The following DNAJC1 variants were observed in gnomAD, a reference collection of about 807,000 sequenced individuals.
The protein encoded by DNAJC1 is DnaJ heat shock protein family (Hsp40) member C1.
A neutral mutation model predicts 76.6 loss-of-function variants in DNAJC1; 58 were observed. The ratio of observed to expected loss-of-function variants is 0.76; its 90% confidence interval spans 0.61 to 0.94. The LOEUF is 0.94. Ranked by LOEUF, DNAJC1 falls within the 40% of genes least tolerant of loss-of-function variation. DNAJC1 has a pLI of 0.00. For synonymous variants in DNAJC1, 258 were observed against 267.9 expected (o/e 0.96, Z 0.36); for missense variants, 689 against 677.3 (o/e 1.02, Z -0.19).
chr10:21,835,702 G>A (rs1311196748), intron 8 of DNAJC1, among the ~76,000 whole-genome samples: 4 of 152,148 alleles, frequency 2.6e-5, no homozygotes, highest in Admixed American at 6.5e-5. Context: ...TAGCCGATGC[G>A]ATCAACTGGA....
intron 8 of DNAJC1, among the ~76,000 whole-genome samples, chr10:21,824,650 C>T (rs1835217980): frequency 6.6e-6 from 1 of 152,198 alleles, no homozygotes; most frequent in Non-Finnish European, 1.5e-5. Flanking sequence ...ACACTGCTCC[C>T]ATCCAGCCCC....
At position 21,759,546 on chromosome 10, in the gene DNAJC1, G is replaced by T. The variant is rs1403643518; in HGVS notation, c.1220C>A (p.Pro407His). The T allele has an allele frequency of 5.6e-6, 9 of 1,614,154 alleles. No individual in the cohort carries two copies. Among genetic ancestry groups the T allele is most frequent in the Non-Finnish European group, 5.9e-6 (7 of 1,180,046 alleles). ...SRPIKTATTL[P>H]DDMITQREDA... ...CTCTCGCTGGGTGATCATGTCATCGGGCAAGGTGGTGGCCGTTTTGATGGG... is the reference window on the plus strand; with the variant it reads ...CTCTCGCTGGGTGATCATGTCATCGTGCAAGGTGGTGGCCGTTTTGATGGG... The change falls in exon 11 of 12, where the codon CCC (proline) becomes CAC (histidine). Residue 407 changes from proline (P) to histidine (H), a missense_variant. By Grantham distance (77) the Pro-to-His change is moderately conservative (BLOSUM62 -2). Coordinates refer to ENST00000376980, the MANE Select transcript of DNAJC1 (RefSeq NM_022365.4).
intron 1 of DNAJC1, among the ~76,000 whole-genome samples, chr10:21,955,600 G>A (rs2666755): frequency 0.99 from 150,810 of 152,216 alleles, 74,761 homozygotes; most frequent in Middle Eastern, 1. Flanking sequence ...TACATTGTAG[G>A]ATGGCTAAAT....
At chr10:21,784,436 C>G (rs1254993687) in intron 9 of DNAJC1, among the ~76,000 whole-genome samples, 1 of 152,170 alleles carries the variant, frequency 6.6e-6, no homozygotes, top group African/African-American at 2.4e-5. Context: ...AATAGGAACA[C>G]TTTTACACTG....
intron 8 of DNAJC1, among the ~76,000 whole-genome samples, chr10:21,847,055 C>G (rs1177780087): frequency 1.3e-5 from 2 of 151,988 alleles, no homozygotes; most frequent in Non-Finnish European, 2.9e-5. Context: ...ACTCCTAGGT[C>G]CCTTCCCCTT....
At chr10:21,784,772 C>T (rs1023568965) in intron 9 of DNAJC1, among the ~76,000 whole-genome samples, 3 of 152,046 alleles carry the variant, frequency 2.0e-5, no homozygotes, top group Non-Finnish European at 4.4e-5. Context: ...AAGCTGGAAA[C>T]CATCATTCCG....
At chr10:21,998,574 C>T (rs1011996416) in intron 1 of DNAJC1, among the ~76,000 whole-genome samples, 3 of 151,986 alleles carry the variant, frequency 2.0e-5, no homozygotes, top group Non-Finnish European at 4.4e-5. Flanking sequence ...ATCTTCCCCC[C>T]ATCTCCTCTG....
rs544496624 is a variant in DNAJC1, at chr10:21,835,674, C to T, written c.979-29575G>A. Among the ~76,000 whole-genome samples the T allele has an allele frequency of 9.2e-5, 14 of 152,182 alleles. No homozygotes were observed. The East Asian group carries it at 1.9e-3, about 21-fold the overall frequency. ...AAACCAACACACGAGAGCTACGTGA[C>T]GAATGCAGAAGCCTCAGTAGCCGAT... On this transcript the variant is annotated intron_variant, in intron 8 of 11. Coordinates refer to ENST00000376980, the MANE Select transcript of DNAJC1 (RefSeq NM_022365.4).
chr10:21,781,606 A>G (rs1305920553), intron 9 of DNAJC1, among the ~76,000 whole-genome samples: 6 of 151,272 alleles, frequency 4.0e-5, no homozygotes, highest in Admixed American at 2.0e-4. Flanking sequence ...CTGTAGTCCC[A>G]GCTACTCAGG....
At chr10:21,845,905 T>G (rs369309953) in intron 8 of DNAJC1, among the ~76,000 whole-genome samples, 1 of 152,174 alleles carries the variant, frequency 6.6e-6, no homozygotes, top group Non-Finnish European at 1.5e-5. Flanking sequence ...AAATTTTACC[T>G]ATTTGAATTA....
chr10:21,790,804 A>G (rs557756447), intron 9 of DNAJC1, among the ~76,000 whole-genome samples: 166 of 152,280 alleles, frequency 1.1e-3, no homozygotes, highest in Admixed American at 3.3e-3. Flanking sequence ...AGAGGAAGAA[A>G]GGAAAAAAAG....
At chr10:21,942,228 T>A (rs1379109988) in intron 1 of DNAJC1, among the ~76,000 whole-genome samples, 1 of 152,008 alleles carries the variant, frequency 6.6e-6, no homozygotes, top group Non-Finnish European at 1.5e-5. Flanking sequence ...CAAAAGCAAG[T>A]AATAGGACAA....
intron 8 of DNAJC1, among the ~76,000 whole-genome samples, chr10:21,876,692 T>G (rs1434472302): frequency 6.6e-6 from 1 of 152,128 alleles, no homozygotes; most frequent in Non-Finnish European, 1.5e-5. Flanking sequence ...AGCACAAGGA[T>G]GAACAAGTAG....
Position 21,759,218 on chromosome 10 carries a change from G to A in DNAJC1, c.1548C>T (p.Ser516=), listed in dbSNP as rs765250959. The change falls in exon 11 of 12, where the codon TCC becomes TCT. Residue 516 remains serine, a synonymous_variant. Coordinates refer to ENST00000376980, the MANE Select transcript of DNAJC1 (RefSeq NM_022365.4). ...ELALQQYPRG[S]SDRWDKIARC... is the part of the protein sequence containing the mutation. The stretch of plus-strand genomic sequence containing the variant: ...TGGCTATTTTGTCCCAGCGGTCAGA[G>A]GATCCCCTTGGGTACTGCTGCAACG... 12 of 1,614,060 alleles carry A rather than the reference G, an allele frequency of 7.4e-6. No homozygotes were observed. The Admixed American group carries it at 1.7e-4, about 22-fold the overall frequency.
In DNAJC1 at chr10:21,813,710, A is replaced by G. The variant is rs181380208; in HGVS notation, c.979-7611T>C. Among the ~76,000 whole-genome samples, 13 of 152,274 alleles carry G rather than the reference A, an allele frequency of 8.5e-5. No individual in the cohort carries two copies. In the East Asian group the frequency reaches 2.5e-3, roughly 29 times the overall value. ...GCCAGGGCAAACATTCTTATTGTCC[A>G]GTATAGTGAAGATATTGCCTCCTCA... On this transcript the variant is annotated intron_variant, in intron 8 of 11. Coordinates refer to ENST00000376980, the MANE Select transcript of DNAJC1 (RefSeq NM_022365.4).
intron 8 of DNAJC1, among the ~76,000 whole-genome samples, chr10:21,879,987 C>T (rs1053334878): frequency 6.6e-6 from 1 of 152,174 alleles, no homozygotes; most frequent in African/African-American, 2.4e-5. Flanking sequence ...CATCTCCAAC[C>T]CTGCTAGTTC....
rs896032088 is a variant in DNAJC1 at position 22,003,560 on chromosome 10, G to A, written c.-126C>T. 5 of 1,165,548 alleles carry A rather than the reference G, an allele frequency of 4.3e-6. No individual in the cohort carries two copies. Among genetic ancestry groups the A allele is most frequent in the Non-Finnish European group, 4.4e-6 (4 of 918,040 alleles). 72.2% of individuals were successfully genotyped at this position (1,165,548 alleles called of 1,614,324 possible). A position where few individuals can be genotyped will look rare whatever the true frequency, so the allele number is the denominator to read the frequency against. ...AAAGCGCGGGCAGGCGCACCGGAGC[G>A]GCCCGCCAGGTGGCTGGCCCCAGAC... is the stretch of plus-strand genomic sequence containing the variant. On this transcript the variant is annotated 5_prime_UTR_variant, in exon 1 of 12. Coordinates refer to ENST00000376980, the MANE Select transcript of DNAJC1 (RefSeq NM_022365.4).
chr10:21,770,819 C>G (rs1397776847), intron 9 of DNAJC1, among the ~76,000 whole-genome samples: 1 of 152,108 alleles, frequency 6.6e-6, no homozygotes, highest in Non-Finnish European at 1.5e-5. Flanking sequence ...TCCTTTGACT[C>G]ACAAAAGTTT....
At chr10:21,815,247 AT>A (rs1258801131) in intron 8 of DNAJC1, among the ~76,000 whole-genome samples, 3 of 152,218 alleles carry the variant, frequency 2.0e-5, no homozygotes, top group Non-Finnish European at 4.4e-5. Flanking sequence ...CTCCCTGACT[AT>A]TTGAACTGAT....
Sources: allele counts gnomAD v4.1 joint callset (sites outside exome capture counted in the v4.1 genomes callset), GRCh38; gene constraint gnomAD v4.1.1; transcripts MANE v1.5; gene names NCBI Gene and HGNC (gene_info 2026-07-23, HGNC 2026-07-21).